KLRG1: variants seen among roughly 807,000 people sequenced by gnomAD.
The protein encoded by KLRG1 is killer cell lectin like receptor G1.
A neutral mutation model predicts 21.8 loss-of-function variants in KLRG1; 16 were observed. The ratio of observed to expected loss-of-function variants is 0.73; its 90% CI spans 0.50 to 1.11. The LOEUF (loss-of-function observed/expected upper bound fraction) is 1.11, where lower values mean the gene tolerates loss of function less well. Among genes scored for constraint, KLRG1 ranks in the 50% most tolerant of loss-of-function variants. The probability of loss-of-function intolerance (pLI) is 0.00; values close to 1 mark genes in which losing one functional copy is unlikely to be tolerated. For synonymous variants in KLRG1, 69 were observed against 75.9 expected (o/e 0.91, Z 0.47); for missense variants, 173 against 218.3 (o/e 0.79, Z 1.31).
Position 9,010,085 on chromosome 12 carries a change from C to T in KLRG1, c.*548C>T. The T allele has an allele frequency of 7.0e-7, 1 of 1,421,942 alleles. No individual in the cohort carries two copies. Among genetic ancestry groups the T allele is most frequent in the Non-Finnish European group, 9.6e-7 (1 of 1,046,050 alleles). 88.1% of individuals were successfully genotyped at this position (1,421,942 alleles called of 1,614,324 possible). On this transcript the variant is annotated 3_prime_UTR_variant, in exon 5 of 5. Transcript: ENST00000356986. ...CCTGTAGTCCTAGCTATTTGGGAAG[C>T]TGAGGTGGGAGGGTCGCTTGAGCCC...
chr12:9,160,212 T>TA, the KLRG1 span: 1 of 1,247,948 alleles, frequency 8.0e-7, no homozygotes, highest in Admixed American at 2.2e-5. Flanking sequence ...GTTGTTTTCA[T>TA]AAAAATTATC....
chr12:9,018,691 AAAG>A, the KLRG1 span, among the ~76,000 whole-genome samples: 3,655 of 150,104 alleles, frequency 0.024, 57 homozygotes, highest in Non-Finnish European at 0.036. Context: ...AAAAAAAAAA[AAAG>A]AAAGAAAGAA....
chr12:8,995,491 A>C, intron 3 of KLRG1, among the ~76,000 whole-genome samples: 1 of 150,544 alleles, frequency 6.6e-6, no homozygotes. Context: ...CCCACTCTTT[A>C]CCCTTATGCT....
chr12:9,005,548 T>G (rs1452080705), intron 3 of KLRG1, among the ~76,000 whole-genome samples: 2 of 152,038 alleles, frequency 1.3e-5, no homozygotes, highest in African/African-American at 2.4e-5. Context: ...AATGTTGACC[T>G]CAGAACAGAC....
At chr12:9,084,693 AT>A in the KLRG1 span, among the ~76,000 whole-genome samples, 1 of 152,172 alleles carries the variant, frequency 6.6e-6, no homozygotes. Context: ...ATTACCTTGA[AT>A]GCAAATGGAC....
the KLRG1 span, among the ~76,000 whole-genome samples, chr12:9,032,729 C>T: frequency 1.3e-5 from 2 of 152,112 alleles, no homozygotes; most frequent in Admixed American, 6.5e-5. Flanking sequence ...CCAAGATTGG[C>T]CTTTTGAGAT....
chr12:9,192,617 A>C, the KLRG1 span: 1 of 1,614,174 alleles, frequency 6.2e-7, no homozygotes, highest in African/African-American at 1.3e-5. Context: ...TACCAGCCAC[A>C]GGCTCCAGGT....
chr12:8,983,961 T>G (rs1446667578), intron 1 of KLRG1, among the ~76,000 whole-genome samples: 3 of 152,146 alleles, frequency 2.0e-5, no homozygotes, highest in Non-Finnish European at 2.9e-5. Flanking sequence ...TTGGGGAATA[T>G]TTGATCATTA....
At chr12:9,112,185 C>T in the KLRG1 span, 2 of 1,613,686 alleles carry the variant, frequency 1.2e-6, no homozygotes, top group Non-Finnish European at 1.7e-6. Flanking sequence ...TGAAAGTTTT[C>T]ATCCATGGAG....
the KLRG1 span, among the ~76,000 whole-genome samples, chr12:9,019,762 A>G: frequency 6.6e-6 from 1 of 152,118 alleles, no homozygotes; most frequent in Admixed American, 6.5e-5. Flanking sequence ...AAAAGAAAAT[A>G]CAAATAGAGA....
intron 1 of KLRG1, among the ~76,000 whole-genome samples, chr12:8,991,721 TTGAC>T (rs1358994975): frequency 2.0e-5 from 3 of 152,216 alleles, no homozygotes; most frequent in Admixed American, 6.5e-5. Context: ...AAAAATGTAT[TTGAC>T]TGGCCTTTTA....
the KLRG1 span, among the ~76,000 whole-genome samples, chr12:9,146,163 T>C: frequency 2.0e-5 from 3 of 152,078 alleles, no homozygotes; most frequent in Non-Finnish European, 4.4e-5. Context: ...ATTTGTATAA[T>C]GGTCAATTTG....
chr12:9,097,839 G>T, the KLRG1 span, among the ~76,000 whole-genome samples: 2 of 152,056 alleles, frequency 1.3e-5, no homozygotes. Flanking sequence ...CATTATATTG[G>T]CCAGACTGGT....
chr12:9,072,890 T>C, the KLRG1 span: 2 of 1,602,936 alleles, frequency 1.2e-6, no homozygotes, highest in Non-Finnish European at 1.7e-6. Context: ...GACAGATGAG[T>C]GAGAGAACCC....
chr12:9,066,008 A>C, the KLRG1 span: 2 of 152,388 alleles, frequency 1.3e-5, no homozygotes, highest in Admixed American at 6.5e-5. Context: ...TCGTTGGGAC[A>C]CCCTTGCTGT....
At chr12:9,072,818 G>C in the KLRG1 span, 3 of 1,614,020 alleles carry the variant, frequency 1.9e-6, no homozygotes, top group African/African-American at 4.0e-5. Flanking sequence ...TCCCAGTCCT[G>C]GTAAATGTGG....
At chr12:9,016,996 A>G in the KLRG1 span, among the ~76,000 whole-genome samples, 1 of 152,078 alleles carries the variant, frequency 6.6e-6, no homozygotes, top group Non-Finnish European at 1.5e-5. Flanking sequence ...ATACAAAACC[A>G]AAGACACACT....
At chr12:9,003,218 A>G (rs976118371) in intron 3 of KLRG1, among the ~76,000 whole-genome samples, 1 of 152,106 alleles carries the variant, frequency 6.6e-6, no homozygotes. Flanking sequence ...AATCTTTATC[A>G]ATTTCTGTGC....
At chr12:9,086,098 T>C in the KLRG1 span, among the ~76,000 whole-genome samples, 1 of 152,122 alleles carries the variant, frequency 6.6e-6, no homozygotes, top group Non-Finnish European at 1.5e-5. Context: ...CTTCTCAAAC[T>C]CTGCCAAAAG....
Sources: allele counts gnomAD v4.1 joint callset (sites outside exome capture counted in the v4.1 genomes callset), GRCh38; gene constraint gnomAD v4.1.1; transcripts MANE v1.5; gene names NCBI Gene and HGNC (gene_info 2026-07-23, HGNC 2026-07-21).